The following TRIO variants were observed in gnomAD, a reference collection of about 807,000 sequenced individuals.
TRIO encodes trio Rho guanine nucleotide exchange factor, also known as triple functional domain protein.
A neutral mutation model predicts 351.9 loss-of-function variants in TRIO; 58 were observed. The observed-to-expected ratio is 0.16, with a 90% CI of 0.13 to 0.21. TRIO has a LOEUF of 0.21. TRIO is among the 10% of genes least tolerant of loss of function. The pLI is 1.00. For missense variants in TRIO, 3,201 were observed against 4,027.8 expected, an observed-to-expected ratio of 0.79 and a Z score of 5.56; for synonymous variants, 1,758 against 1,595.7, an observed-to-expected ratio of 1.10 and a Z score of -2.42.
At chr5:14,492,513 G>A in intron 48 of TRIO, 54 bp from the exon 49 acceptor site, 1 of 1,593,050 alleles carries the variant, frequency 6.3e-7, no homozygotes, top group Admixed American at 1.7e-5. Context: ...CATGTGATCA[G>A]GTCTCGTTTC....
intron 8 of TRIO, among the ~76,000 whole-genome samples, chr5:14,305,919 C>T (rs1738326504): frequency 6.6e-6 from 1 of 152,226 alleles, no homozygotes. Flanking sequence ...CATTGTGGTA[C>T]AGTTGCCTAC....
intron 34 of TRIO, among the ~76,000 whole-genome samples, chr5:14,446,397 G>A (rs899022675): frequency 2.0e-5 from 3 of 152,124 alleles, no homozygotes; most frequent in African/African-American, 7.2e-5. Context: ...GGTGGTTTTA[G>A]TATGTGATAA....
intron 1 of TRIO, among the ~76,000 whole-genome samples, chr5:14,184,206 A>T (rs1202042006): frequency 6.6e-6 from 1 of 152,084 alleles, no homozygotes; most frequent in Non-Finnish European, 1.5e-5. Context: ...ATGTTTTTTT[A>T]AAAGAGATTT....
chr5:14,148,978 T>A (rs750565161), intron 1 of TRIO, among the ~76,000 whole-genome samples: 2 of 152,218 alleles, frequency 1.3e-5, no homozygotes, highest in Non-Finnish European at 2.9e-5. Flanking sequence ...AGTGGGCCAC[T>A]GGGAGAGGGA....
chr5:14,396,225 A>G (rs944344057), intron 28 of TRIO, among the ~76,000 whole-genome samples: 3 of 151,746 alleles, frequency 2.0e-5, no homozygotes, highest in South Asian at 2.1e-4. Flanking sequence ...ATCCTACGCA[A>G]AAAGGAAATG....
intron 1 of TRIO, among the ~76,000 whole-genome samples, chr5:14,197,306 CCTGT>C (rs1790840172): frequency 6.6e-6 from 1 of 152,046 alleles, no homozygotes; most frequent in African/African-American, 2.4e-5. Context: ...CGAGGTGCTT[CCTGT>C]CTGTCTTATC....
rs1056549070 is a variant in TRIO at position 14,336,415 on chromosome 5, T to A, written c.1855-121T>A. ...TCTCTCCCCATCATATTTTTCTGTT[T>A]GATTCATGTAAGTGATCAAAAATAT... On this transcript the variant is annotated intron_variant, in intron 10 of 56. Transcript: ENST00000344204. 4 of 1,010,026 alleles carry A rather than the reference T, an allele frequency of 4.0e-6. No homozygotes were observed. In the Admixed American group the frequency reaches 9.4e-5, roughly 24 times the overall value. 62.6% of individuals were successfully genotyped at this position (1,010,026 alleles called of 1,614,324 possible).
At chr5:14,274,378 A>G (rs1257660592) in intron 2 of TRIO, among the ~76,000 whole-genome samples, 1 of 152,174 alleles carries the variant, frequency 6.6e-6, no homozygotes, top group African/African-American at 2.4e-5. Context: ...GCTTGATTAG[A>G]CCAAGCTTTG....
intron 1 of TRIO, among the ~76,000 whole-genome samples, chr5:14,261,155 C>G (rs80184527): frequency 0.038 from 5,813 of 152,258 alleles, 376 homozygotes; most frequent in African/African-American, 0.13. Context: ...AAATTTTAAA[C>G]CCAAATCGTG....
chr5:14,157,504 T>C (rs1306657387), intron 1 of TRIO, among the ~76,000 whole-genome samples: 2 of 148,506 alleles, frequency 1.3e-5, no homozygotes, highest in African/African-American at 2.5e-5. Flanking sequence ...TCCCTCTCTC[T>C]CCCTGTCTCC....
chr5:14,302,229 A>T (rs1737964734), intron 7 of TRIO, among the ~76,000 whole-genome samples: 1 of 152,194 alleles, frequency 6.6e-6, no homozygotes, highest in African/African-American at 2.4e-5. Context: ...TCATTACATT[A>T]TGAAGTATTA....
At chr5:14,444,331 T>G (rs1259295804) in intron 34 of TRIO, among the ~76,000 whole-genome samples, 3 of 152,242 alleles carry the variant, frequency 2.0e-5, no homozygotes, top group Non-Finnish European at 4.4e-5. Context: ...CAGAAGTACT[T>G]GTCACAATGT....
At chr5:14,280,232 T>TA (rs1735880752) in intron 2 of TRIO, 90 bp from the exon 3 acceptor site, 1 of 1,278,782 alleles carries the variant, frequency 7.8e-7, no homozygotes, top group Non-Finnish European at 1.1e-6. Flanking sequence ...GTAGTTGCTT[T>TA]AGGAATAATT....
At chr5:14,392,231 A>G (rs1178408737) in intron 27 of TRIO, among the ~76,000 whole-genome samples, 3 of 142,132 alleles carry the variant, frequency 2.1e-5, no homozygotes, top group Admixed American at 6.6e-5. Flanking sequence ...AACTTAAACA[A>G]ATTTACAAGA....
intron 26 of TRIO, 124 bp downstream of exon 26, chr5:14,390,424 T>C (rs1746965815): frequency 1.1e-6 from 1 of 876,330 alleles, no homozygotes; most frequent in Admixed American, 2.7e-5. Flanking sequence ...TGCGGAGAAA[T>C]AGACTTTACC....
rs548249585 is a variant in TRIO, at chr5:14,143,431, G to A, written c.-295G>A. ...CACGGGCCCCCGCCCTCGCGACTGC[G>A]CGTCCGGGAGGCGCGTGCTGCTGCC... is the stretch of plus-strand genomic sequence containing the variant. On this transcript the variant is annotated 5_prime_UTR_variant, in exon 1 of 57. Transcript: ENST00000344204. Among the ~76,000 whole-genome samples, 822 of 149,434 alleles carry A rather than the reference G, an allele frequency of 5.5e-3. 5 individuals are homozygous for A. Among genetic ancestry groups the A allele is most frequent in the African/African-American group, 0.019 (772 of 40,966 alleles).
chr5:14,463,038 AAAAGGG>A, intron 36 of TRIO, 113 bp downstream of exon 36: 1 of 1,344,974 alleles, frequency 7.4e-7, no homozygotes, highest in Non-Finnish European at 9.8e-7. Flanking sequence ...CAAGATGTGG[AAAAGGG>A]CAATGCAGTG....
chr5:14,382,729 A>G (rs1053599119), intron 21 of TRIO, among the ~76,000 whole-genome samples: 1 of 152,146 alleles, frequency 6.6e-6, no homozygotes, highest in Non-Finnish European at 1.5e-5. Flanking sequence ...ACATTATATG[A>G]TCCGTATTTA....
chr5:14,471,761 A>C (rs868297245), intron 38 of TRIO, among the ~76,000 whole-genome samples: 5 of 152,190 alleles, frequency 3.3e-5, no homozygotes, highest in South Asian at 2.1e-4. Flanking sequence ...TGTACATGTG[A>C]TTGTGAAAGA....
Sources: gnomAD v4.1 joint callset for allele counts (sites outside exome capture counted in the v4.1 genomes callset) on GRCh38, gnomAD v4.1.1 for gene constraint, MANE v1.5 for transcripts, NCBI Gene and HGNC (gene_info 2026-07-23, HGNC 2026-07-21) for gene names.